The following MICU1 variants were observed in gnomAD, a reference collection of about 807,000 sequenced individuals.
The protein encoded by MICU1 is mitochondrial calcium uptake 1.
A neutral mutation model predicts 56.8 loss-of-function variants in MICU1; 45 were observed. That is an observed-to-expected ratio of 0.79 (90% CI 0.62 to 1.02). MICU1 has a LOEUF of 1.02. Among genes scored for constraint, MICU1 ranks in the 50% least tolerant of loss-of-function variants. The probability of loss-of-function intolerance (pLI) is 0.00; values close to 1 mark genes in which losing one functional copy is unlikely to be tolerated. For synonymous variants in MICU1, 186 were observed against 195.1 expected (o/e 0.95, Z 0.39); for missense variants, 504 against 587.1 (o/e 0.86, Z 1.46).
intron 5 of MICU1, among the ~76,000 whole-genome samples, chr10:72,530,957 T>C (rs953751425): frequency 3.3e-5 from 5 of 152,198 alleles, no homozygotes; most frequent in Admixed American, 1.3e-4. Context: ...ATTATTCAGG[T>C]AGAAATTTAA....
At chr10:72,539,028 C>A (rs1170026908) in intron 4 of MICU1, among the ~76,000 whole-genome samples, 3 of 151,946 alleles carry the variant, frequency 2.0e-5, no homozygotes, top group African/African-American at 7.2e-5. Context: ...GGAGTCAATT[C>A]ATTAAGAAGA....
At chr10:72,399,564 T>C (rs1331756586) in intron 10 of MICU1, among the ~76,000 whole-genome samples, 1 of 152,058 alleles carries the variant, frequency 6.6e-6, no homozygotes, top group African/African-American at 2.4e-5. Context: ...GAGAATCACA[T>C]GCACCCAGGA....
intron 8 of MICU1, 142 bp downstream of exon 8, chr10:72,474,958 C>T: frequency 1.5e-6 from 1 of 661,662 alleles, no homozygotes; most frequent in South Asian, 2.6e-5. Flanking sequence ...TTCCTATCTG[C>T]TGTCAGTTTA....
chr10:72,536,513 AT>A (rs558601352), intron 4 of MICU1, among the ~76,000 whole-genome samples: 159 of 145,860 alleles, frequency 1.1e-3, no homozygotes, highest in Admixed American at 1.8e-3. Context: ...TGCCCGGCTA[AT>A]TTTTTTTTTT....
intron 8 of MICU1, among the ~76,000 whole-genome samples, chr10:72,461,059 A>G (rs1294506929): frequency 6.6e-6 from 1 of 152,170 alleles, no homozygotes; most frequent in Non-Finnish European, 1.5e-5. Context: ...ATCTGCCTAT[A>G]GGCCCAGAGA....
intron 10 of MICU1, among the ~76,000 whole-genome samples, chr10:72,400,021 C>T (rs549310898): frequency 6.6e-6 from 1 of 152,136 alleles, no homozygotes; most frequent in African/African-American, 2.4e-5. Context: ...TTTCCCCCTT[C>T]CAACTCAGTA....
At chr10:72,432,183 T>C (rs906889428) in intron 8 of MICU1, among the ~76,000 whole-genome samples, 5 of 151,664 alleles carry the variant, frequency 3.3e-5, no homozygotes, top group Non-Finnish European at 7.4e-5. Context: ...AGCCTCAACT[T>C]CCTGGGCTCA....
At chr10:72,377,727 T>C (rs1422383194) in intron 10 of MICU1, among the ~76,000 whole-genome samples, 1 of 152,228 alleles carries the variant, frequency 6.6e-6, no homozygotes, top group Non-Finnish European at 1.5e-5. Flanking sequence ...TTTCCATTTA[T>C]GCTGGTAATG....
intron 4 of MICU1, among the ~76,000 whole-genome samples, chr10:72,550,915 G>C (rs1320611655): frequency 1.3e-5 from 2 of 152,078 alleles, no homozygotes; most frequent in Admixed American, 1.3e-4. Flanking sequence ...TATTGCCTTC[G>C]AGAACATTCT....
chr10:72,432,939 C>G (rs1864589542), intron 8 of MICU1, among the ~76,000 whole-genome samples: 1 of 152,050 alleles, frequency 6.6e-6, no homozygotes, highest in African/African-American at 2.4e-5. Flanking sequence ...ATGCGTGGAT[C>G]TTCTTCTTCC....
At chr10:72,554,292 C>T (rs1171431726) in intron 3 of MICU1, among the ~76,000 whole-genome samples, 1 of 152,100 alleles carries the variant, frequency 6.6e-6, no homozygotes, top group Non-Finnish European at 1.5e-5. Context: ...AGGCAATGAA[C>T]ATCAATAGCT....
chr10:72,378,048 G>A (rs1020711770), intron 10 of MICU1, among the ~76,000 whole-genome samples: 8 of 152,060 alleles, frequency 5.3e-5, no homozygotes, highest in Non-Finnish European at 7.4e-5. Context: ...TCAGGAGTTC[G>A]AGACCAGCCT....
chr10:72,526,361 A>G (rs957657877), intron 5 of MICU1, among the ~76,000 whole-genome samples: 2 of 152,090 alleles, frequency 1.3e-5, no homozygotes, highest in Non-Finnish European at 2.9e-5. Context: ...CAGTGGCACA[A>G]TCTTGGCTCA....
Position 72,587,804 on chromosome 10 carries a change from CAAAT to C in MICU1, c.-1-21014_-1-21011del, listed in dbSNP as rs150099177. On this transcript the variant is annotated intron_variant, in intron 1 of 11. Coordinates refer to ENST00000361114, the MANE Select transcript of MICU1 (RefSeq NM_001195518.2). ...ATCATAAATAAATAAATAAATAAAACAAATAAATAAATAAATAAAATTTTAATTT... is the reference window on the plus strand; with the variant it reads ...ATCATAAATAAATAAATAAATAAAACAAATAAATAAATAAAATTTTAATTT... Among the ~76,000 whole-genome samples the C allele has an allele frequency of 5.8e-3, 884 of 151,782 alleles. 6 individuals are homozygous for C. The highest frequency in any genetic ancestry group is 9.6e-3 in the Non-Finnish European group (650 of 67,918).
chr10:72,437,884 C>A (rs1348872863), intron 8 of MICU1, among the ~76,000 whole-genome samples: 1 of 152,138 alleles, frequency 6.6e-6, no homozygotes, highest in Admixed American at 6.6e-5. Flanking sequence ...ACAGGAGCAC[C>A]CAGATTCATA....
intron 1 of MICU1, among the ~76,000 whole-genome samples, chr10:72,588,123 A>T (rs1841115634): frequency 6.6e-6 from 1 of 152,098 alleles, no homozygotes; most frequent in African/African-American, 2.4e-5. Context: ...GTGAGTTCTC[A>T]TGAGATCTGG....
intron 8 of MICU1, among the ~76,000 whole-genome samples, chr10:72,464,396 A>G (rs1865729419): frequency 6.6e-6 from 1 of 151,944 alleles, no homozygotes; most frequent in African/African-American, 2.4e-5. Context: ...ACACATACGT[A>G]TACACATTAG....
chr10:72,592,783 CTT>C (rs1264231748), intron 1 of MICU1, among the ~76,000 whole-genome samples: 26 of 137,608 alleles, frequency 1.9e-4, no homozygotes, highest in Admixed American at 2.2e-4. Flanking sequence ...ACTTTTCTTT[CTT>C]TTTTTTTTTT....
At chr10:72,527,071 T>A (rs1389505548) in intron 5 of MICU1, among the ~76,000 whole-genome samples, 1 of 152,210 alleles carries the variant, frequency 6.6e-6, no homozygotes, top group Non-Finnish European at 1.5e-5. Context: ...ATATATCCCA[T>A]ATTTTCTTTC....
Sources: gnomAD v4.1 joint callset for allele counts (sites outside exome capture counted in the v4.1 genomes callset) on GRCh38, gnomAD v4.1.1 for gene constraint, MANE v1.5 for transcripts, NCBI Gene and HGNC (gene_info 2026-07-23, HGNC 2026-07-21) for gene names.